ENOX1: variants seen among roughly 807,000 people sequenced by gnomAD.
ENOX1 encodes the protein ecto-NOX disulfide-thiol exchanger 1, also known as candidate growth-related and time keeping constitutive hydroquinone (NADH) oxidase.
ENOX1 carries 42 observed loss-of-function variants against 82.5 expected under a neutral mutation model. The ratio of observed to expected loss-of-function variants is 0.51; its 90% CI spans 0.40 to 0.66. The LOEUF (loss-of-function observed/expected upper bound fraction) is 0.66. ENOX1 is among the 30% of genes least tolerant of loss of function. The probability of loss-of-function intolerance (pLI) is 0.00; values close to 1 mark genes in which losing one functional copy is unlikely to be tolerated. For missense variants in ENOX1, 608 were observed against 811.6 expected (o/e 0.75, Z 3.05); for synonymous variants, 271 against 282.2 (o/e 0.96, Z 0.40).
chr13:43,520,356 C>T (rs2077717313), intron 2 of ENOX1, among the ~76,000 whole-genome samples: 1 of 152,138 alleles, frequency 6.6e-6, no homozygotes, highest in South Asian at 2.1e-4. Context: ...TCAATCTGCA[C>T]ACACACACGG....
chr13:43,486,709 G>C (rs2076433562), intron 2 of ENOX1, among the ~76,000 whole-genome samples: 1 of 152,162 alleles, frequency 6.6e-6, no homozygotes, highest in Admixed American at 6.5e-5. Flanking sequence ...GGGTGTTCCT[G>C]CTTCATTACT....
chr13:43,529,243 T>A (rs976340217), intron 2 of ENOX1, among the ~76,000 whole-genome samples: 1 of 151,992 alleles, frequency 6.6e-6, no homozygotes, highest in Non-Finnish European at 1.5e-5. Flanking sequence ...CAGAGGATCC[T>A]TGCTGTAGGC....
intron 2 of ENOX1, among the ~76,000 whole-genome samples, chr13:43,512,163 T>C (rs1469395358): frequency 6.6e-6 from 1 of 152,100 alleles, no homozygotes; most frequent in African/African-American, 2.4e-5. Context: ...GCTGTTGAGA[T>C]TTAAACCATT....
intron 2 of ENOX1, among the ~76,000 whole-genome samples, chr13:43,584,038 C>T (rs2080868187): frequency 1.3e-5 from 2 of 152,172 alleles, no homozygotes; most frequent in Admixed American, 1.3e-4. Context: ...ATCAGCTGGG[C>T]ACTAGCCATG....
intron 10 of ENOX1, among the ~76,000 whole-genome samples, chr13:43,326,143 G>T (rs757123088): frequency 6.6e-6 from 1 of 152,114 alleles, no homozygotes; most frequent in Non-Finnish European, 1.5e-5. Flanking sequence ...ATTTGCTAGG[G>T]AAAGTGTCTT....
intron 2 of ENOX1, among the ~76,000 whole-genome samples, chr13:43,520,841 G>C (rs2077737244): frequency 6.6e-6 from 1 of 152,188 alleles, no homozygotes; most frequent in Non-Finnish European, 1.5e-5. Flanking sequence ...CCAGTGGAAA[G>C]GCTGGGTCGA....
intron 5 of ENOX1, among the ~76,000 whole-genome samples, chr13:43,396,110 C>G (rs548167654): frequency 7.9e-5 from 12 of 152,298 alleles, no homozygotes; most frequent in Admixed American, 5.9e-4. Context: ...TCGCTAGCAT[C>G]TAAATTACTA....
At chr13:43,674,638 T>C (rs1475109884) in intron 1 of ENOX1, among the ~76,000 whole-genome samples, 1 of 152,106 alleles carries the variant, frequency 6.6e-6, no homozygotes, top group East Asian at 1.9e-4. Context: ...AGTGAAACTA[T>C]TCTGTATGAT....
At chr13:43,319,012 GGAGAGAGGGA>G (rs889826238) in intron 11 of ENOX1, among the ~76,000 whole-genome samples, 5 of 152,026 alleles carry the variant, frequency 3.3e-5, no homozygotes, top group East Asian at 1.9e-4. Context: ...TAAGGGAGAA[GGAGAGAGGGA>G]GAGAGAGGGA....
At chr13:43,564,780 A>C (rs1473087151) in intron 2 of ENOX1, among the ~76,000 whole-genome samples, 1 of 152,218 alleles carries the variant, frequency 6.6e-6, no homozygotes, top group Non-Finnish European at 1.5e-5. Flanking sequence ...AAAAAGAAAC[A>C]CCTTTCCCAC....
chr13:43,377,000 G>T (rs955641825), intron 5 of ENOX1, among the ~76,000 whole-genome samples: 1 of 152,094 alleles, frequency 6.6e-6, no homozygotes, highest in African/African-American at 2.4e-5. Flanking sequence ...TGACCAGAAG[G>T]TTTTCTTAGC....
intron 2 of ENOX1, among the ~76,000 whole-genome samples, chr13:43,532,094 G>C (rs917560519): frequency 3.4e-5 from 5 of 148,282 alleles, no homozygotes; most frequent in Admixed American, 6.7e-5. Context: ...TTTAAAAAAA[G>C]AAAGTTAAAA....
intron 3 of ENOX1, among the ~76,000 whole-genome samples, chr13:43,467,728 T>C (rs962940158): frequency 1.3e-5 from 2 of 152,184 alleles, no homozygotes; most frequent in African/African-American, 2.4e-5. Flanking sequence ...CAAGAAACTA[T>C]TGCCTAATCC....
intron 2 of ENOX1, among the ~76,000 whole-genome samples, chr13:43,629,548 T>C (rs1334359634): frequency 6.6e-6 from 1 of 152,226 alleles, no homozygotes; most frequent in Non-Finnish European, 1.5e-5. Flanking sequence ...TTGTATTTAG[T>C]GGGAGGAATA....
At position 43,326,500 on chromosome 13, in the gene ENOX1, G is replaced by A. The variant is rs774078617; in HGVS notation, c.1062C>T (p.Asn354=). ...TQFEQIVAVF[N]ASTRQKAWDH... ...CCCAAGCTTTTTGTCTGGTAGAAGC[G>A]TTGAAAACGGCCACAATCTGCTCAA... The change falls in exon 10 of 17, where the codon AAC becomes AAT. Residue 354 remains asparagine (N), a synonymous_variant. Coordinates refer to ENST00000690772, the MANE Select transcript of ENOX1 (RefSeq NM_001347969.2). 15 of 1,614,104 alleles carry A rather than the reference G, an allele frequency of 9.3e-6. No homozygotes were observed. Among genetic ancestry groups the A allele is most frequent in the Admixed American group, 1.7e-5 (1 of 60,016 alleles).
chr13:43,226,776 A>T (rs1220176336), intron 15 of ENOX1, among the ~76,000 whole-genome samples: 1 of 152,144 alleles, frequency 6.6e-6, no homozygotes, highest in Non-Finnish European at 1.5e-5. Context: ...CCTCCCCTGC[A>T]GGGTTCTCCC....
intron 11 of ENOX1, among the ~76,000 whole-genome samples, chr13:43,298,803 C>T (rs2046415406): frequency 6.6e-6 from 1 of 152,176 alleles, no homozygotes; most frequent in Non-Finnish European, 1.5e-5. Flanking sequence ...TTGACCTCTC[C>T]CTCAATGCTA....
chr13:43,305,393 A>G (rs373253637), intron 11 of ENOX1, among the ~76,000 whole-genome samples: 10 of 152,202 alleles, frequency 6.6e-5, no homozygotes, highest in Non-Finnish European at 1.5e-4. Flanking sequence ...TCTGCACATT[A>G]GCTATTATTA....
At chr13:43,603,538 T>C (rs1177301160) in intron 2 of ENOX1, among the ~76,000 whole-genome samples, 2 of 127,152 alleles carry the variant, frequency 1.6e-5, no homozygotes, top group Admixed American at 8.2e-5. Flanking sequence ...CCCTCCCCCC[T>C]CCCCCCACCC....
Sources: allele counts gnomAD v4.1 joint callset (sites outside exome capture counted in the v4.1 genomes callset), GRCh38; gene constraint gnomAD v4.1.1; transcripts MANE v1.5; gene names NCBI Gene and HGNC (gene_info 2026-07-23, HGNC 2026-07-21).